Variants in DLGAP2 observed in about 807,000 individuals in gnomAD.
DLGAP2 encodes disks large-associated protein 2.
Under a neutral mutation model 100.3 loss-of-function variants are expected in DLGAP2, and 26 were observed. The ratio of observed to expected loss-of-function variants is 0.26; its 90% CI spans 0.19 to 0.36. The LOEUF (loss-of-function observed/expected upper bound fraction) is 0.36. DLGAP2 is among the 10% of genes least tolerant of loss of function. The pLI is 1.00. For synonymous variants in DLGAP2, 886 were observed against 630.1 expected, an observed-to-expected ratio of 1.41 and a Z score of -6.08; for missense variants, 1,858 against 1,453.2, an observed-to-expected ratio of 1.28 and a Z score of -4.53.
At chr8:788,788 C>T (rs555317975) in intron 1 of DLGAP2, among the ~76,000 whole-genome samples, 6 of 152,254 alleles carry the variant, frequency 3.9e-5, no homozygotes, top group South Asian at 2.1e-4. Context: ...TTCACTGGGT[C>T]GTGGTGGGTT....
chr8:1,529,553 TA>T (rs1800915403), intron 4 of DLGAP2, among the ~76,000 whole-genome samples: 1 of 152,126 alleles, frequency 6.6e-6, no homozygotes, highest in Non-Finnish European at 1.5e-5. Context: ...AAATATTAAT[TA>T]CCCAAAGAGA....
intron 10 of DLGAP2, among the ~76,000 whole-genome samples, chr8:1,675,262 G>A (rs557662370): frequency 7.2e-5 from 11 of 152,288 alleles, no homozygotes; most frequent in South Asian, 2.1e-4. Flanking sequence ...TGCGGCACCC[G>A]GCTCTGGGGT....
At chr8:1,341,749 G>GC (rs1233660293) in intron 3 of DLGAP2, among the ~76,000 whole-genome samples, 1 of 152,142 alleles carries the variant, frequency 6.6e-6, no homozygotes, top group Non-Finnish European at 1.5e-5. Context: ...AGCAGGGTGT[G>GC]CTAGCAGGTG....
intron 2 of DLGAP2, among the ~76,000 whole-genome samples, chr8:943,339 T>C (rs1365126787): frequency 6.6e-6 from 1 of 152,222 alleles, no homozygotes; most frequent in African/African-American, 2.4e-5. Context: ...CATTTTTTAA[T>C]GTGAAGTCCT....
chr8:1,381,190 G>A (rs575651712), intron 3 of DLGAP2: 1 of 152,186 alleles, frequency 6.6e-6, no homozygotes, highest in South Asian at 2.1e-4. Flanking sequence ...GCTTCCCCAG[G>A]ATGTCCAGAA....
rs1241997996 is a variant in DLGAP2, at chr8:1,344,716, G to A, written c.106+85833G>A. On this transcript the variant is annotated intron_variant, in intron 3 of 14. Coordinates refer to ENST00000637795, the MANE Select transcript of DLGAP2 (RefSeq NM_001346810.2). ...TCCGTAACCCCACACTGGTCTATCC[G>A]CTACATCTTAACGCTGTGCTCGGCT... Among the ~76,000 whole-genome samples the A allele has an allele frequency of 6.6e-5, 10 of 152,234 alleles. No homozygotes were observed. In the South Asian group the frequency reaches 1.0e-3, roughly 16 times the overall value.
intron 4 of DLGAP2, among the ~76,000 whole-genome samples, chr8:1,522,741 A>G (rs1800650008): frequency 6.6e-6 from 1 of 152,194 alleles, no homozygotes; most frequent in Admixed American, 6.5e-5. Context: ...CCTGCTGTGT[A>G]AACTTTCAAA....
At chr8:1,218,828 T>C (rs12375266) in intron 2 of DLGAP2, among the ~76,000 whole-genome samples, 39,369 of 152,060 alleles carry the variant, frequency 0.26, 7,529 homozygotes, top group African/African-American at 0.53. Flanking sequence ...ATTCTCATTG[T>C]AGAGATCTTT....
chr8:902,024 G>C (rs1798261809), intron 1 of DLGAP2, among the ~76,000 whole-genome samples: 1 of 152,162 alleles, frequency 6.6e-6, no homozygotes, highest in Admixed American at 6.5e-5. Context: ...GGGAACCCAG[G>C]GGGGTTCCAA....
chr8:1,098,754 C>T (rs1308879085), intron 2 of DLGAP2, among the ~76,000 whole-genome samples: 2 of 136,668 alleles, frequency 1.5e-5, no homozygotes, highest in Non-Finnish European at 3.3e-5. Context: ...CTCCCGGCCG[C>T]CCACGGGCGC....
At chr8:1,656,831 C>G (rs921398733) in intron 8 of DLGAP2, among the ~76,000 whole-genome samples, 1 of 152,154 alleles carries the variant, frequency 6.6e-6, no homozygotes. Flanking sequence ...ACTCAAGAGG[C>G]AAAGCATGTT....
intron 2 of DLGAP2, among the ~76,000 whole-genome samples, chr8:1,017,064 A>G (rs866597985): frequency 0.013 from 38 of 2,972 alleles, 4 homozygotes; most frequent in East Asian, 0.1. Context: ...AGGACAGACG[A>G]CGCCTCCACT....
intron 6 of DLGAP2, among the ~76,000 whole-genome samples, chr8:1,600,352 G>T (rs1430772436): frequency 6.6e-6 from 1 of 152,032 alleles, no homozygotes; most frequent in African/African-American, 2.4e-5. Flanking sequence ...TATGTGTCTT[G>T]GGGTTGCTCT....
chr8:1,499,207 G>A (rs1362438311), intron 3 of DLGAP2, among the ~76,000 whole-genome samples: 1 of 152,242 alleles, frequency 6.6e-6, no homozygotes, highest in Non-Finnish European at 1.5e-5. Context: ...TGTGAAGCAC[G>A]TGGCTTTGCT....
At chr8:804,835 G>T (rs1395959146) in intron 1 of DLGAP2, among the ~76,000 whole-genome samples, 1 of 151,806 alleles carries the variant, frequency 6.6e-6, no homozygotes, top group Non-Finnish European at 1.5e-5. Context: ...GTGCAATCAT[G>T]GCTCACTGCA....
chr8:952,094 C>G (rs1395259866), intron 2 of DLGAP2, among the ~76,000 whole-genome samples: 1 of 152,204 alleles, frequency 6.6e-6, no homozygotes, highest in Non-Finnish European at 1.5e-5. Flanking sequence ...GTTCCATTTT[C>G]TCTCCAGGTG....
chr8:1,676,387 T>C (rs1798811330), intron 10 of DLGAP2, 146 bp from the exon 11 acceptor site: 1 of 748,946 alleles, frequency 1.3e-6, no homozygotes, highest in Admixed American at 2.3e-5. Context: ...CATTTCCCTC[T>C]CTGCGGTTTT....
intron 1 of DLGAP2, among the ~76,000 whole-genome samples, chr8:746,973 G>A (rs553663441): frequency 2.0e-4 from 30 of 152,266 alleles, no homozygotes; most frequent in Admixed American, 1.5e-3. Context: ...GTGAGTTCTC[G>A]GGAAGACCTC....
At chr8:874,154 G>A (rs1797648138) in intron 1 of DLGAP2, among the ~76,000 whole-genome samples, 1 of 151,940 alleles carries the variant, frequency 6.6e-6, no homozygotes, top group African/African-American at 2.4e-5. Flanking sequence ...TTTTCAAAAA[G>A]CCACCTTTCC....
Sources: allele counts gnomAD v4.1 joint callset (sites outside exome capture counted in the v4.1 genomes callset), GRCh38; gene constraint gnomAD v4.1.1; transcripts MANE v1.5; gene names NCBI Gene and HGNC (gene_info 2026-07-23, HGNC 2026-07-21).